ARID5B: variants seen among roughly 807,000 people sequenced by gnomAD.
ARID5B encodes AT-rich interaction domain 5B, also known as AT-rich interactive domain-containing protein 5B.
A neutral mutation model predicts 97.2 loss-of-function variants in ARID5B; 13 were observed. That is an observed-to-expected ratio of 0.13 (90% CI 0.09 to 0.21). The LOEUF (loss-of-function observed/expected upper bound fraction) is 0.21, where lower values mean the gene tolerates loss of function less well. Among genes scored for constraint, ARID5B ranks in the 10% least tolerant of loss-of-function variants. The pLI, the probability that ARID5B is intolerant of heterozygous loss-of-function variation, is 1.00. For missense variants in ARID5B, 1,210 were observed against 1,465.3 expected, an observed-to-expected ratio of 0.83 and a Z score of 2.84; for synonymous variants, 556 against 570.3, an observed-to-expected ratio of 0.97 and a Z score of 0.36.
chr10:62,017,322 A>G (rs1290553492), intron 4 of ARID5B, among the ~76,000 whole-genome samples: 1 of 152,074 alleles, frequency 6.6e-6, no homozygotes, highest in Non-Finnish European at 1.5e-5. Context: ...GTGTGGTGAC[A>G]TGCCCCGTAA....
At chr10:61,996,844 G>A (rs547331545) in intron 3 of ARID5B, among the ~76,000 whole-genome samples, 1 of 150,446 alleles carries the variant, frequency 6.6e-6, no homozygotes, top group African/African-American at 2.4e-5. Flanking sequence ...TGTACTGGGG[G>A]GTTAGGAGAG....
At chr10:62,065,913 A>AT (rs1394716542) in intron 7 of ARID5B, among the ~76,000 whole-genome samples, 1 of 151,906 alleles carries the variant, frequency 6.6e-6, no homozygotes, top group Non-Finnish European at 1.5e-5. Flanking sequence ...AGCTAATATA[A>AT]TAGAAGGTCA....
chr10:62,011,450 G>A (rs1352465653), intron 4 of ARID5B, among the ~76,000 whole-genome samples: 1 of 152,170 alleles, frequency 6.6e-6, no homozygotes, highest in Non-Finnish European at 1.5e-5. Context: ...AAATTGAAAT[G>A]TGTCAGGACT....
At chr10:61,934,087 C>T in intron 2 of ARID5B, among the ~76,000 whole-genome samples, 1 of 152,202 alleles carries the variant, frequency 6.6e-6, no homozygotes. Context: ...TTACCGTGTA[C>T]TTGAAAGTTA....
At chr10:62,049,269 TC>T in intron 4 of ARID5B, 1 of 1,419,774 alleles carries the variant, frequency 7.0e-7, no homozygotes, top group East Asian at 2.6e-5. Flanking sequence ...TCCCACACAC[TC>T]GGTGCTAGTC....
intron 2 of ARID5B, among the ~76,000 whole-genome samples, chr10:61,908,820 A>AAAAAAGAAG (rs1251041161): frequency 7.7e-4 from 112 of 146,228 alleles, no homozygotes; most frequent in Middle Eastern, 3.4e-3. Context: ...AAAAAAAAAA[A>AAAAAAGAAG]AAGAAGAAGA....
At chr10:61,912,666 T>TTATATATATA (rs35376293) in intron 2 of ARID5B, among the ~76,000 whole-genome samples, 11 of 147,364 alleles carry the variant, frequency 7.5e-5, no homozygotes, top group African/African-American at 2.5e-4. Context: ...ATATGCATGT[T>TTATATATATA]TATATATATA....
chr10:61,986,245 G>T (rs1838845278), intron 3 of ARID5B, among the ~76,000 whole-genome samples: 1 of 152,162 alleles, frequency 6.6e-6, no homozygotes, highest in Non-Finnish European at 1.5e-5. Flanking sequence ...AGCTGCCTGT[G>T]TCCTCCTGTA....
At chr10:61,959,903 C>T (rs1018297190) in intron 3 of ARID5B, among the ~76,000 whole-genome samples, 2 of 152,118 alleles carry the variant, frequency 1.3e-5, no homozygotes, top group Admixed American at 6.5e-5. Context: ...ACCCAGAAAA[C>T]GTTTACATCC....
chr10:62,037,973 G>A (rs1406565842), intron 4 of ARID5B, among the ~76,000 whole-genome samples: 3 of 152,192 alleles, frequency 2.0e-5, no homozygotes. Context: ...ATGCTGGTTG[G>A]AGGAGTGGCT....
rs1229321841 is a variant in ARID5B, at chr10:62,057,120, A to G, written c.850A>G (p.Lys284Glu). ...NSDGKAVAKVKCEARSALTKP... is the reference protein window; with the variant it reads ...NSDGKAVAKVECEARSALTKP... ...TGGTATATTTTCCCTTTTCCAGGTGAAATGTGAGGCCAGGTCAGCCTTGAC... is the reference window on the plus strand; with the variant it reads ...TGGTATATTTTCCCTTTTCCAGGTGGAATGTGAGGCCAGGTCAGCCTTGAC... Residue 284 changes from lysine (K) to glutamate (E), a missense_variant, in exon 6 of 10, where the codon AAA (lysine) becomes GAA (glutamate). Transcript: ENST00000279873. The G allele has an allele frequency of 6.8e-6, 11 of 1,613,464 alleles. No individual in the cohort carries two copies. The highest frequency in any genetic ancestry group is 9.3e-6 in the Non-Finnish European group (11 of 1,179,664).
chr10:62,041,186 C>T (rs953130188), intron 4 of ARID5B, among the ~76,000 whole-genome samples: 31 of 152,296 alleles, frequency 2.0e-4, no homozygotes, highest in Admixed American at 1.2e-3. Flanking sequence ...CCAAGACACA[C>T]GCTCTTCTAT....
At chr10:61,989,462 T>C (rs1306548760) in intron 3 of ARID5B, among the ~76,000 whole-genome samples, 1 of 152,220 alleles carries the variant, frequency 6.6e-6, no homozygotes, top group East Asian at 1.9e-4. Context: ...TTTTTAATCA[T>C]GTTTTGAATA....
At chr10:61,991,993 T>C (rs1173988211) in intron 3 of ARID5B, among the ~76,000 whole-genome samples, 1 of 151,538 alleles carries the variant, frequency 6.6e-6, no homozygotes, top group African/African-American at 2.4e-5. Flanking sequence ...GATCACGCTA[T>C]GGCACTCCAG....
At chr10:61,953,595 A>G (rs1400887213) in intron 3 of ARID5B, among the ~76,000 whole-genome samples, 1 of 152,198 alleles carries the variant, frequency 6.6e-6, no homozygotes, top group Non-Finnish European at 1.5e-5. Context: ...CTCAGTAGTC[A>G]GTTATGTTGT....
At chr10:62,061,619 C>T (rs965406263) in intron 7 of ARID5B, among the ~76,000 whole-genome samples, 3 of 152,186 alleles carry the variant, frequency 2.0e-5, no homozygotes, top group African/African-American at 7.2e-5. Flanking sequence ...ATTCATTAGG[C>T]TGTGGGAACT....
intron 7 of ARID5B, among the ~76,000 whole-genome samples, chr10:62,065,845 C>CAAAAA (rs60296263): frequency 0.24 from 20,851 of 88,196 alleles, 2,090 homozygotes; most frequent in Non-Finnish European, 0.31. Flanking sequence ...GACTCTGTCT[C>CAAAAA]AAAAAAAAAA....
Position 62,091,738 on chromosome 10 carries a change from A to G in ARID5B, c.2275A>G (p.Arg759Gly). The G allele has an allele frequency of 6.2e-7, 1 of 1,614,198 alleles. No homozygotes were observed. The highest frequency in any genetic ancestry group is 1.7e-5 in the Admixed American group (1 of 60,028). Residue 759 changes from arginine to glycine, a missense_variant, in exon 10 of 10, where the codon AGA (arginine) becomes GGA (glycine). By Grantham distance (125) the Arg-to-Gly change is moderately radical (BLOSUM62 -2). Coordinates refer to ENST00000279873, the MANE Select transcript of ARID5B (RefSeq NM_032199.3). Reference protein sequence around the residue: ...PSVIQHVQSFRSKPSEERKTI... With the variant: ...PSVIQHVQSFGSKPSEERKTI... ...AGTGATTCAGCACGTCCAGAGTTTC[A>G]GAAGCAAGCCCTCGGAAGAGAGAAA...
In ARID5B at chr10:61,913,992, C is replaced by A. The variant is rs980904037; in HGVS notation, c.276+11579C>A. Reference sequence around the variant, plus strand: ...TCTTGAACTCCCGACCTCAGGTGATCCACCCGCCTCAGCCTCCCAAAGTGC... The same window carrying A: ...TCTTGAACTCCCGACCTCAGGTGATACACCCGCCTCAGCCTCCCAAAGTGC... On this transcript the variant is annotated intron_variant, in intron 2 of 9. Transcript: ENST00000279873. Among the ~76,000 whole-genome samples the A allele has an allele frequency of 3.3e-5, 5 of 152,244 alleles. No homozygotes were observed. The South Asian group carries it at 1.0e-3, about 32-fold the overall frequency.
Sources: allele counts gnomAD v4.1 joint callset (sites outside exome capture counted in the v4.1 genomes callset), GRCh38; gene constraint gnomAD v4.1.1; transcripts MANE v1.5; gene names NCBI Gene and HGNC (gene_info 2026-07-23, HGNC 2026-07-21).